RYR2: variants seen among roughly 807,000 people sequenced by gnomAD.
The protein encoded by RYR2 is ryanodine receptor 2.
In RYR2, 227 loss-of-function variants were observed where a neutral mutation model predicts 601.1. The ratio of observed to expected loss-of-function variants is 0.38; its 90% CI spans 0.34 to 0.42. The LOEUF (loss-of-function observed/expected upper bound fraction) is 0.42. Ranked by LOEUF, RYR2 falls within the 10% of genes least tolerant of loss-of-function variation. The pLI, the probability that RYR2 is intolerant of heterozygous loss-of-function variation, is 1.00. For synonymous variants in RYR2, 2,223 were observed against 2,175.1 expected (o/e 1.02, Z -0.61); for missense variants, 4,646 against 6,156.5 (o/e 0.75, Z 8.21).
chr1:237,631,885 C>T (rs971705897), intron 42 of RYR2, among the ~76,000 whole-genome samples: 11 of 6,556 alleles, frequency 1.7e-3, no homozygotes, highest in Non-Finnish European at 1.7e-3. Flanking sequence ...GCCTTGGCCT[C>T]CCCTCCCGAA....
At chr1:237,597,902 A>G (rs2148488166) in intron 34 of RYR2, among the ~76,000 whole-genome samples, 1 of 152,328 alleles carries the variant, frequency 6.6e-6, no homozygotes, top group Non-Finnish European at 1.5e-5. Flanking sequence ...ATGGATAAAA[A>G]GCAAGACTCA....
intron 11 of RYR2, among the ~76,000 whole-genome samples, chr1:237,419,943 G>T (rs1705390792): frequency 6.6e-6 from 1 of 152,040 alleles, no homozygotes; most frequent in Non-Finnish European, 1.5e-5. Flanking sequence ...TTATAGTGAA[G>T]ATCCTGCTTT....
chr1:237,132,897 T>G (rs1672309876), intron 1 of RYR2, among the ~76,000 whole-genome samples: 1 of 152,094 alleles, frequency 6.6e-6, no homozygotes, highest in Non-Finnish European at 1.5e-5. Flanking sequence ...GTCACATGAT[T>G]CTCACTGGTC....
At chr1:237,333,765 C>A in intron 3 of RYR2, 1 of 350,674 alleles carries the variant, frequency 2.9e-6, no homozygotes, top group Non-Finnish European at 5.6e-6. Context: ...ATTTTTTTAT[C>A]AATCAAATTA....
intron 76 of RYR2, among the ~76,000 whole-genome samples, chr1:237,728,099 C>T (rs1690344199): frequency 6.6e-6 from 1 of 152,078 alleles, no homozygotes; most frequent in Non-Finnish European, 1.5e-5. Flanking sequence ...AGATCCTGTA[C>T]TAGTTTTGTT....
At chr1:237,528,663 C>T (rs568406929) in intron 24 of RYR2, among the ~76,000 whole-genome samples, 1 of 152,130 alleles carries the variant, frequency 6.6e-6, no homozygotes, top group Non-Finnish European at 1.5e-5. Flanking sequence ...AACACTGGCT[C>T]TCTCTCAGAA....
Position 237,815,984 on chromosome 1 carries a change from G to A in RYR2, c.14434-3052G>A, listed in dbSNP as rs147417839. On this transcript the variant is annotated intron_variant, in intron 100 of 104. Transcript: ENST00000366574. ...TCTTGGTCAGCAGGAATCACCAAGAGGAACTGATGGATGATCAGTTCATCC... is the reference window on the plus strand; with the variant it reads ...TCTTGGTCAGCAGGAATCACCAAGAAGAACTGATGGATGATCAGTTCATCC... Among the ~76,000 whole-genome samples the A allele has an allele frequency of 3.4e-3, 513 of 152,260 alleles. 6 individuals are homozygous for A. Among genetic ancestry groups the A allele is most frequent in the African/African-American group, 0.012 (495 of 41,538 alleles).
At chr1:237,227,749 T>C (rs575266152) in intron 1 of RYR2, among the ~76,000 whole-genome samples, 1 of 152,330 alleles carries the variant, frequency 6.6e-6, no homozygotes, top group Admixed American at 6.5e-5. Flanking sequence ...GGTTCTTGCC[T>C]GACACCCTGA....
intron 80 of RYR2, among the ~76,000 whole-genome samples, chr1:237,748,473 C>G (rs1387774490): frequency 6.6e-6 from 1 of 152,148 alleles, no homozygotes; most frequent in African/African-American, 2.4e-5. Context: ...TGTCCAGGCA[C>G]CACAGTCTCT....
At chr1:237,323,120 G>A (rs1056318124) in intron 2 of RYR2, among the ~76,000 whole-genome samples, 1 of 151,916 alleles carries the variant, frequency 6.6e-6, no homozygotes, top group East Asian at 1.9e-4. Flanking sequence ...ATACTTGTTC[G>A]GGATACTTGT....
chr1:237,444,556 G>A (rs757846394), intron 13 of RYR2, among the ~76,000 whole-genome samples: 8 of 152,214 alleles, frequency 5.3e-5, no homozygotes, highest in South Asian at 2.1e-4. Flanking sequence ...GGGAACAAAC[G>A]GTTCTACTTA....
At chr1:237,658,956 C>T (rs1230640818) in intron 54 of RYR2, among the ~76,000 whole-genome samples, 2 of 152,156 alleles carry the variant, frequency 1.3e-5, no homozygotes, top group South Asian at 2.1e-4. Context: ...AATCTTATGC[C>T]TACAGGTTCA....
intron 41 of RYR2, 143 bp downstream of exon 41, chr1:237,628,223 A>T: frequency 9.7e-7 from 1 of 1,029,258 alleles, no homozygotes. Flanking sequence ...TCTTTTTTTT[A>T]TTTATTATTA....
intron 104 of RYR2, among the ~76,000 whole-genome samples, chr1:237,832,049 C>T (rs1369528606): frequency 6.6e-6 from 1 of 151,978 alleles, no homozygotes; most frequent in African/African-American, 2.4e-5. Context: ...TATACACACA[C>T]ACATATATTT....
At chr1:237,546,976 C>CATATATATATATATAT (rs558814390) in intron 25 of RYR2, among the ~76,000 whole-genome samples, 2,873 of 96,902 alleles carry the variant, frequency 0.03, 174 homozygotes, top group East Asian at 0.1. Flanking sequence ...TTTTCAAAAG[C>CATATATATATATATAT]ATATATATAT....
At position 237,591,310 on chromosome 1, in the gene RYR2, A is replaced by G. The variant is rs74888086; in HGVS notation, c.4160+318A>G. On this transcript the variant is annotated intron_variant, in intron 31 of 104. Transcript: ENST00000366574. Reference sequence around the variant, plus strand: ...CATCTAATTTGTTAGCGTAGGTGCAATCTATCTCAAGAGTTACTTTTTAAG... The same window carrying G: ...CATCTAATTTGTTAGCGTAGGTGCAGTCTATCTCAAGAGTTACTTTTTAAG... Among the ~76,000 whole-genome samples, 172 of 151,798 alleles carry G rather than the reference A, an allele frequency of 1.1e-3. 4 individuals are homozygous for G. In the East Asian group the frequency reaches 0.03, roughly 26 times the overall value.
intron 4 of RYR2, among the ~76,000 whole-genome samples, chr1:237,358,488 C>A (rs140877117): frequency 1.3e-5 from 2 of 151,958 alleles, no homozygotes; most frequent in African/African-American, 4.8e-5. Context: ...GTTTCTAATG[C>A]TGACTTTCTC....
intron 3 of RYR2, among the ~76,000 whole-genome samples, chr1:237,342,934 C>T (rs1271175892): frequency 1.3e-5 from 2 of 152,234 alleles, no homozygotes; most frequent in South Asian, 2.1e-4. Flanking sequence ...GTAGGCCAGG[C>T]GCTGTGGCCC....
Position 237,798,049 on chromosome 1 carries a change from T to C in RYR2, c.13969T>C (p.Tyr4657His). Residue 4657 changes from tyrosine (Y) to histidine (H), a missense_variant, in exon 97 of 105, where the codon TAT becomes CAT. Coordinates refer to ENST00000366574, the MANE Select transcript of RYR2 (RefSeq NM_001035.3). Reference sequence around the variant, plus strand: ...CTCATACCCCAAGGTTATGGATAAATATGGAGAGTTCTACGGCCGAGACAG... The same window carrying C: ...CTCATACCCCAAGGTTATGGATAAACATGGAGAGTTCTACGGCCGAGACAG... ...KFVKRKVMDK[Y>H]GEFYGRDRIS... 1 of 1,610,600 alleles carries C rather than the reference T, an allele frequency of 6.2e-7. No homozygotes were observed.
Sources: gnomAD v4.1 joint callset for allele counts (sites outside exome capture counted in the v4.1 genomes callset) on GRCh38, gnomAD v4.1.1 for gene constraint, MANE v1.5 for transcripts, NCBI Gene and HGNC (gene_info 2026-07-23, HGNC 2026-07-21) for gene names.